The following NPIPB11 variants were observed in gnomAD, a reference collection of about 807,000 sequenced individuals.
NPIPB11 encodes nuclear pore complex interacting protein family member B11, also known as nuclear pore complex-interacting protein family member B11.
In NPIPB11, 17 loss-of-function variants were observed where a neutral mutation model predicts 32.8. That is an observed-to-expected ratio of 0.52 (90% CI 0.35 to 0.78). The LOEUF (loss-of-function observed/expected upper bound fraction) is 0.78, where lower values mean the gene tolerates loss of function less well. Ranked by LOEUF, NPIPB11 falls within the 30% of genes least tolerant of loss-of-function variation. The probability of loss-of-function intolerance (pLI) is 0.01; values close to 1 mark genes in which losing one functional copy is unlikely to be tolerated. For missense variants in NPIPB11, 537 were observed against 1,000.4 expected (o/e 0.54, Z 6.25); for synonymous variants, 209 against 398.4 (o/e 0.52, Z 5.66).
intron 2 of NPIPB11, among the ~76,000 whole-genome samples, chr16:29,402,830 A>G (rs1964029506): frequency 7.2e-6 from 1 of 139,192 alleles, no homozygotes; most frequent in South Asian, 2.3e-4. Context: ...AGACAAGATA[A>G]TGTTCAACTT....
At chr16:29,400,746 A>G (rs1963969207) in intron 2 of NPIPB11, among the ~76,000 whole-genome samples, 1 of 152,148 alleles carries the variant, frequency 6.6e-6, no homozygotes, top group Non-Finnish European at 1.5e-5. Context: ...GGGCAGGTCC[A>G]TCTTCAGTGG....
chr16:29,398,011 T>G (rs1315182717), intron 2 of NPIPB11, among the ~76,000 whole-genome samples: 1 of 86,466 alleles, frequency 1.2e-5, no homozygotes, highest in East Asian at 3.2e-4. Flanking sequence ...AAAAAGGTTC[T>G]GCTATCCGCC....
At chr16:29,389,123 A>C (rs1963641589) in intron 5 of NPIPB11, among the ~76,000 whole-genome samples, 1 of 147,142 alleles carries the variant, frequency 6.8e-6, no homozygotes, top group African/African-American at 2.5e-5. Context: ...TGAACCTGGG[A>C]GGTGGAGGTT....
rs1791561410 is a variant in NPIPB11 at position 29,401,109 on chromosome 16, A to AC, written c.120+2573dup. On this transcript the variant is annotated intron_variant, in intron 2 of 7. Transcript: ENST00000524087. ...GTTTTGGGAGAGTGTTTAGCACAATACATGCACGACACGGGGGCACTGTCA... is the reference window on the plus strand; with the variant it reads ...GTTTTGGGAGAGTGTTTAGCACAATACCATGCACGACACGGGGGCACTGTCA... 2.0e-5 allele frequency among the ~76,000 whole-genome samples: 3 copies of AC among 152,226 alleles called. No homozygotes were observed. The South Asian group carries it at 6.2e-4, about 32-fold the overall frequency.
intron 2 of NPIPB11, among the ~76,000 whole-genome samples, chr16:29,401,826 G>C (rs1258960804): frequency 2.0e-5 from 3 of 151,970 alleles, no homozygotes. Flanking sequence ...GGCAGGATGA[G>C]GGCATGTGGG....
At chr16:29,400,821 G>A (rs1245238352) in intron 2 of NPIPB11, among the ~76,000 whole-genome samples, 2 of 152,120 alleles carry the variant, frequency 1.3e-5, no homozygotes, top group Admixed American at 6.5e-5. Flanking sequence ...CAGGCACAGA[G>A]GCAGTGGTTC....
intron 2 of NPIPB11, 79 bp from the exon 3 acceptor site, chr16:29,394,155 A>T (rs946338466): frequency 6.7e-7 from 1 of 1,488,042 alleles, no homozygotes. Flanking sequence ...ATCCTTAGAA[A>T]CCGTCAACCT....
chr16:29,389,389 A>G (rs1282645324), intron 5 of NPIPB11, among the ~76,000 whole-genome samples: 3 of 111,018 alleles, frequency 2.7e-5, no homozygotes. Context: ...AAAAAAAAAA[A>G]AAGGCTGGCT....
exon 8 of NPIPB11, chr16:29,383,169 T>G (rs1448818215): frequency 2.6e-6 from 4 of 1,547,752 alleles, no homozygotes; most frequent in African/African-American, 1.5e-5. Flanking sequence ...GAAGCGGAAC[T>G]GCAGATGCTC....
At chr16:29,397,704 G>C in intron 2 of NPIPB11, 1 of 665,016 alleles carries the variant, frequency 1.5e-6, no homozygotes, top group East Asian at 3.8e-5. Flanking sequence ...GCTTAGGGCA[G>C]GGGGGAGGGA....
At chr16:29,389,194 CA>C (rs1166217249) in intron 5 of NPIPB11, among the ~76,000 whole-genome samples, 2,147 of 50,342 alleles carry the variant, frequency 0.043, 68 homozygotes, top group South Asian at 0.16. Context: ...GACTCTGTCT[CA>C]AAAAAAAAAA....
chr16:29,400,605 G>T (rs1334311666), intron 2 of NPIPB11, among the ~76,000 whole-genome samples: 3 of 150,720 alleles, frequency 2.0e-5, no homozygotes, highest in Admixed American at 2.0e-4. Context: ...CAGTGATGAT[G>T]GTAACAGCAG....
At chr16:29,394,067 T>C (rs1482598376) in exon 3 of NPIPB11, 2 of 1,597,832 alleles carry the variant, frequency 1.3e-6, no homozygotes, top group South Asian at 1.1e-5. Flanking sequence ...TCAGCCAGAG[T>C]ATTGATAACC....
exon 4 of NPIPB11, chr16:29,390,342 G>A (rs751505276): frequency 1.3e-4 from 130 of 972,334 alleles, no homozygotes; most frequent in Admixed American, 1.2e-3. Flanking sequence ...GTCTTCAGGA[G>A]AGACACCTAG....
upstream of NPIPB11, among the ~76,000 whole-genome samples, chr16:29,405,521 A>G (rs1387523421): frequency 6.6e-6 from 1 of 152,116 alleles, no homozygotes; most frequent in Non-Finnish European, 1.5e-5. Flanking sequence ...TATTACACTT[A>G]AACCTGCTAG....
At chr16:29,395,932 T>G (rs879391951) in intron 2 of NPIPB11, among the ~76,000 whole-genome samples, 29 of 148,740 alleles carry the variant, frequency 1.9e-4, no homozygotes, top group Admixed American at 5.4e-4. Context: ...GAGCCGAGAT[T>G]GCACCACTGC....
chr16:29,406,200 A>T (rs1412292121), upstream of NPIPB11, among the ~76,000 whole-genome samples: 2 of 152,234 alleles, frequency 1.3e-5, no homozygotes, highest in African/African-American at 4.8e-5. Flanking sequence ...GTATTAAGTG[A>T]TTCGATTTAT....
chr16:29,397,928 C>T (rs1460586199), intron 2 of NPIPB11, among the ~76,000 whole-genome samples: 4 of 89,524 alleles, frequency 4.5e-5, no homozygotes, highest in Non-Finnish European at 6.3e-5. Flanking sequence ...CTACAGGTCA[C>T]GGAGAAGATC....
At chr16:29,391,516 C>T (rs1233943098) in intron 3 of NPIPB11, among the ~76,000 whole-genome samples, 1 of 146,780 alleles carries the variant, frequency 6.8e-6, no homozygotes, top group Non-Finnish European at 1.5e-5. Flanking sequence ...ACTTTCCCTT[C>T]CCTCACATCA....
Sources: gnomAD v4.1 joint callset for allele counts (sites outside exome capture counted in the v4.1 genomes callset) on GRCh38, gnomAD v4.1.1 for gene constraint, MANE v1.5 for transcripts, NCBI Gene and HGNC (gene_info 2026-07-23, HGNC 2026-07-21) for gene names.